The following LRRC7 variants were observed in gnomAD, a reference collection of about 807,000 sequenced individuals.
The protein encoded by LRRC7 is leucine-rich repeat-containing protein 7.
LRRC7 carries 23 observed loss-of-function variants against 175.7 expected under a neutral mutation model. That is an observed-to-expected ratio of 0.13 (90% confidence interval 0.09 to 0.19). The LOEUF (loss-of-function observed/expected upper bound fraction) is 0.19, where lower values mean the gene tolerates loss of function less well. LRRC7 is among the 10% of genes least tolerant of loss of function. The probability of loss-of-function intolerance (pLI) is 1.00; values close to 1 mark genes in which losing one functional copy is unlikely to be tolerated. For synonymous variants in LRRC7, 685 were observed against 680.9 expected (o/e 1.01, Z -0.09); for missense variants, 1,354 against 1,904.7 (o/e 0.71, Z 5.38).
chr1:69,659,154 T>G (rs2100522104), intron 1 of LRRC7, among the ~76,000 whole-genome samples: 1 of 152,138 alleles, frequency 6.6e-6, no homozygotes, highest in South Asian at 2.1e-4. Flanking sequence ...CTGCTGGTAC[T>G]TTTCATTGGC....
chr1:69,752,814 A>C (rs527929913), intron 2 of LRRC7, among the ~76,000 whole-genome samples: 9 of 152,320 alleles, frequency 5.9e-5, no homozygotes, highest in Non-Finnish European at 1.3e-4. Flanking sequence ...TGGAGAAACC[A>C]GAACAGGATG....
chr1:70,139,981 G>C lies in LRRC7; in HGVS notation c.*18094G>C, dbSNP rs1667003367. 6.6e-6 allele frequency: 1 copy of C among 152,028 alleles called. No homozygotes were observed. The highest frequency in any genetic ancestry group is 2.4e-5 in the African/African-American group (1 of 41,394). 9.4% of individuals were successfully genotyped at this position (152,028 alleles called of 1,614,324 possible). On this transcript the variant is annotated 3_prime_UTR_variant, in exon 27 of 27. Coordinates refer to ENST00000651989, the MANE Select transcript of LRRC7 (RefSeq NM_001370785.2). ...TCCTTAATGAGAAACTTAATTCTAG[G>C]GTACTTACAATAGCTGCCTTATTGG...
intron 11 of LRRC7, among the ~76,000 whole-genome samples, chr1:70,009,355 C>CT (rs11286744): frequency 0.015 from 2,005 of 132,576 alleles, 24 homozygotes; most frequent in East Asian, 0.04. Flanking sequence ...TTCTTTCTTT[C>CT]TTTTTTTTTT....
intron 16 of LRRC7, 131 bp from the exon 17 acceptor site, chr1:70,022,995 C>A: frequency 8.5e-7 from 1 of 1,171,936 alleles, no homozygotes; most frequent in Non-Finnish European, 1.1e-6. Context: ...GGATTTAAAA[C>A]TAACTTTATG....
intron 8 of LRRC7, among the ~76,000 whole-genome samples, chr1:69,976,282 G>A (rs977334192): frequency 1.3e-5 from 2 of 152,180 alleles, no homozygotes; most frequent in Non-Finnish European, 2.9e-5. Flanking sequence ...CAAAGCTGAA[G>A]AACTTGGAGT....
chr1:70,058,012 AT>A (rs1224681467), intron 23 of LRRC7, among the ~76,000 whole-genome samples: 3,054 of 134,326 alleles, frequency 0.023, 37 homozygotes, highest in African/African-American at 0.039. Flanking sequence ...CAGACTCACA[AT>A]TTTTTTTTTT....
At chr1:69,998,636 C>T (rs1017258801) in intron 11 of LRRC7, among the ~76,000 whole-genome samples, 3 of 152,132 alleles carry the variant, frequency 2.0e-5, no homozygotes, top group Admixed American at 2.0e-4. Flanking sequence ...TTCTTTTATC[C>T]CTACTTAACG....
At chr1:69,722,853 G>A (rs1570512286) in intron 2 of LRRC7, among the ~76,000 whole-genome samples, 2 of 151,710 alleles carry the variant, frequency 1.3e-5, no homozygotes, top group African/African-American at 4.8e-5. Flanking sequence ...ACCATATATG[G>A]TATACACCAT....
intron 2 of LRRC7, among the ~76,000 whole-genome samples, chr1:69,703,640 T>C (rs556773543): frequency 1.3e-5 from 2 of 152,126 alleles, no homozygotes; most frequent in Admixed American, 1.3e-4. Flanking sequence ...GATCTATAAA[T>C]CAGAAATTAG....
intron 2 of LRRC7, among the ~76,000 whole-genome samples, chr1:69,693,000 C>T (rs1432106288): frequency 1.3e-5 from 2 of 152,248 alleles, no homozygotes; most frequent in African/African-American, 4.8e-5. Flanking sequence ...CCATCTTCTC[C>T]TGCCTTTGGT....
intron 2 of LRRC7, among the ~76,000 whole-genome samples, chr1:69,751,879 A>T (rs946082713): frequency 6.6e-6 from 1 of 152,096 alleles, no homozygotes; most frequent in Non-Finnish European, 1.5e-5. Context: ...TTTCATGTTT[A>T]TTTGCTGATA....
At chr1:69,922,371 T>C (rs1272884301) in intron 7 of LRRC7, among the ~76,000 whole-genome samples, 2 of 152,016 alleles carry the variant, frequency 1.3e-5, no homozygotes, top group Non-Finnish European at 2.9e-5. Flanking sequence ...CTATTTTCTA[T>C]TCCTACCTTC....
At chr1:69,886,459 C>A (rs1687209355) in intron 7 of LRRC7, among the ~76,000 whole-genome samples, 1 of 151,796 alleles carries the variant, frequency 6.6e-6, no homozygotes, top group African/African-American at 2.4e-5. Context: ...TTTTGGTTTT[C>A]CATTTGTTTG....
chr1:69,696,441 G>A (rs1337199842), intron 2 of LRRC7, among the ~76,000 whole-genome samples: 1 of 152,120 alleles, frequency 6.6e-6, no homozygotes, highest in African/African-American at 2.4e-5. Flanking sequence ...TCTCAGATGG[G>A]ACTTTGAACT....
intron 3 of LRRC7, among the ~76,000 whole-genome samples, chr1:69,777,427 C>T (rs971435136): frequency 5.3e-5 from 8 of 152,190 alleles, no homozygotes; most frequent in African/African-American, 1.9e-4. Flanking sequence ...GCTCCTTGAT[C>T]TTGCTTTTCT....
intron 4 of LRRC7, among the ~76,000 whole-genome samples, chr1:69,821,124 A>C (rs1252624249): frequency 2.0e-5 from 3 of 151,966 alleles, no homozygotes; most frequent in African/African-American, 7.3e-5. Flanking sequence ...GATGATGAGC[A>C]TTTTTTCATA....
At chr1:70,022,560 G>T (rs1345412730) in intron 16 of LRRC7, among the ~76,000 whole-genome samples, 1 of 152,112 alleles carries the variant, frequency 6.6e-6, no homozygotes, top group Non-Finnish European at 1.5e-5. Flanking sequence ...TTATACTTTA[G>T]AGTGTTTTTT....
At position 70,038,990 on chromosome 1, in the gene LRRC7, C is replaced by A. The variant is rs1659608299; in HGVS notation, c.3166C>A (p.Gln1056Lys). Residue 1056 changes from glutamine to lysine, a missense_variant, in exon 21 of 27, where the codon CAA becomes AAA. By Grantham distance (53) the Gln-to-Lys change is moderately conservative. Coordinates refer to ENST00000651989, the MANE Select transcript of LRRC7 (RefSeq NM_001370785.2). ...LTYGSSKGPQ[Q>K]QKASMTKKVY... is the part of the protein sequence containing the mutation. ...CTACGGAAGTAGTAAGGGGCCACAACAACAAAAAGCTTCTATGACAAAAAA... is the reference window on the plus strand; with the variant it reads ...CTACGGAAGTAGTAAGGGGCCACAAAAACAAAAAGCTTCTATGACAAAAAA... 2 of 1,613,914 alleles carry A rather than the reference C, an allele frequency of 1.2e-6. No individual in the cohort carries two copies. The highest frequency in any genetic ancestry group is 1.7e-6 in the Non-Finnish European group (2 of 1,179,974).
At chr1:70,071,155 C>T (rs1662356808) in intron 23 of LRRC7, among the ~76,000 whole-genome samples, 1 of 152,084 alleles carries the variant, frequency 6.6e-6, no homozygotes, top group Non-Finnish European at 1.5e-5. Context: ...AGCATCTTTC[C>T]TATCCATTGG....
Sources: allele counts gnomAD v4.1 joint callset (sites outside exome capture counted in the v4.1 genomes callset), GRCh38; gene constraint gnomAD v4.1.1; transcripts MANE v1.5; gene names NCBI Gene and HGNC (gene_info 2026-07-23, HGNC 2026-07-21).